CSMD3: variants seen among roughly 807,000 people sequenced by gnomAD.
CSMD3 encodes CUB and Sushi multiple domains 3, also known as CUB and sushi domain-containing protein 3.
A neutral mutation model predicts 435.2 loss-of-function variants in CSMD3; 177 were observed. The observed-to-expected ratio is 0.41, with a 90% CI of 0.36 to 0.46. The LOEUF is 0.46. CSMD3 is among the 20% of genes least tolerant of loss of function. The pLI, the probability that CSMD3 is intolerant of heterozygous loss-of-function variation, is 0.34. For missense variants in CSMD3, 4,265 were observed against 4,504.6 expected (o/e 0.95, Z 1.52); for synonymous variants, 1,656 against 1,520.5 (o/e 1.09, Z -2.07).
At chr8:112,801,826 G>C (rs2078968632) in intron 12 of CSMD3, among the ~76,000 whole-genome samples, 1 of 151,932 alleles carries the variant, frequency 6.6e-6, no homozygotes, top group South Asian at 2.1e-4. Context: ...TACATAGCAT[G>C]TACATCAGCT....
rs939479467 is a variant in CSMD3 at position 113,146,552 on chromosome 8, G to C, written c.709+27170C>G. ...CTAATTTGAATAATTCCTAAAATAA[G>C]GTACATTTTATTCAACATTTGGAAG... is the stretch of plus-strand genomic sequence containing the variant. On this transcript the variant is annotated intron_variant, in intron 4 of 70. Coordinates refer to ENST00000297405, the MANE Select transcript of CSMD3 (RefSeq NM_198123.2). Among the ~76,000 whole-genome samples, 4 of 151,306 alleles carry C rather than the reference G, an allele frequency of 2.6e-5. No homozygotes were observed. In the Admixed American group the frequency reaches 2.6e-4, roughly 10 times the overall value.
At chr8:113,228,982 T>G (rs540360882) in intron 3 of CSMD3, among the ~76,000 whole-genome samples, 61 of 151,728 alleles carry the variant, frequency 4.0e-4, no homozygotes, top group Non-Finnish European at 6.8e-4. Flanking sequence ...ATTCACCACG[T>G]TCAAGTTCTT....
intron 24 of CSMD3, among the ~76,000 whole-genome samples, chr8:112,559,631 G>T (rs999000508): frequency 6.6e-6 from 1 of 151,662 alleles, no homozygotes; most frequent in Non-Finnish European, 1.5e-5. Flanking sequence ...AGTTAATAAA[G>T]GTGAATGCTA....
chr8:113,013,914 G>A (rs1474839616), intron 6 of CSMD3, among the ~76,000 whole-genome samples: 1 of 152,128 alleles, frequency 6.6e-6, no homozygotes, highest in Non-Finnish European at 1.5e-5. Context: ...AGTCACATGT[G>A]TTTGTGTGAG....
At chr8:113,196,761 G>A (rs1280701017) in intron 3 of CSMD3, among the ~76,000 whole-genome samples, 3 of 151,122 alleles carry the variant, frequency 2.0e-5, no homozygotes, top group African/African-American at 4.8e-5. Context: ...TTATCATGGC[G>A]TTTTATTTCC....
intron 68 of CSMD3, among the ~76,000 whole-genome samples, chr8:112,233,465 T>C (rs1377718829): frequency 6.6e-6 from 1 of 152,150 alleles, no homozygotes; most frequent in Non-Finnish European, 1.5e-5. Flanking sequence ...ACAATCTGAG[T>C]GCATTGAAGA....
In CSMD3 at chr8:112,403,742, A is replaced by G. The variant is rs576800511; in HGVS notation, c.5809+2782T>C. On this transcript the variant is annotated intron_variant, in intron 35 of 70. Coordinates refer to ENST00000297405, the MANE Select transcript of CSMD3 (RefSeq NM_198123.2). ...CCCACATGGGGGATTAGGTTTCAAC[A>G]TAAGAATCTGTGTGTGTTGTTGGGG... Among the ~76,000 whole-genome samples, 20 of 152,166 alleles carry G rather than the reference A, an allele frequency of 1.3e-4. No homozygotes were observed. The East Asian group carries it at 3.5e-3, about 27-fold the overall frequency.
At chr8:112,368,568 C>A (rs1489688755) in intron 38 of CSMD3, among the ~76,000 whole-genome samples, 1 of 152,110 alleles carries the variant, frequency 6.6e-6, no homozygotes, top group Non-Finnish European at 1.5e-5. Context: ...CTAGATGTTA[C>A]ACAAATTTGC....
At chr8:113,069,457 A>G (rs758135762) in intron 5 of CSMD3, among the ~76,000 whole-genome samples, 2 of 152,142 alleles carry the variant, frequency 1.3e-5, no homozygotes, top group African/African-American at 2.4e-5. Context: ...AATTCCATGA[A>G]TGTAAACTTG....
intron 22 of CSMD3, among the ~76,000 whole-genome samples, chr8:112,596,073 A>G (rs932356135): frequency 2.0e-5 from 3 of 151,314 alleles, no homozygotes; most frequent in African/African-American, 7.3e-5. Context: ...AGACTGGCAA[A>G]TTGGATAAAG....
intron 12 of CSMD3, among the ~76,000 whole-genome samples, chr8:112,800,571 GA>G (rs2078937788): frequency 6.6e-6 from 1 of 151,978 alleles, no homozygotes; most frequent in Non-Finnish European, 1.5e-5. Flanking sequence ...GAACTGAAAA[GA>G]AAAGGAGGAT....
intron 12 of CSMD3, among the ~76,000 whole-genome samples, chr8:112,813,027 G>A (rs1005459963): frequency 6.6e-6 from 1 of 152,150 alleles, no homozygotes; most frequent in African/African-American, 2.4e-5. Context: ...AAAAAAACGA[G>A]TTCTTGTCAC....
At chr8:112,793,565 G>A (rs967338262) in intron 13 of CSMD3, among the ~76,000 whole-genome samples, 6 of 152,024 alleles carry the variant, frequency 3.9e-5, no homozygotes, top group African/African-American at 1.4e-4. Flanking sequence ...AGAATGATTC[G>A]CAAATCTGGA....
chr8:112,357,909 G>A (rs1209147749), intron 38 of CSMD3, among the ~76,000 whole-genome samples: 5 of 152,180 alleles, frequency 3.3e-5, no homozygotes, highest in African/African-American at 9.7e-5. Context: ...GCACTGCCTA[G>A]TGGAGCTATG....
intron 1 of CSMD3, among the ~76,000 whole-genome samples, chr8:113,325,947 CTAACA>C (rs985162711): frequency 1.5e-4 from 23 of 152,218 alleles, no homozygotes; most frequent in Admixed American, 7.9e-4. Flanking sequence ...ATATTTCTTC[CTAACA>C]TATTTCTCTA....
At chr8:113,203,371 GCTCACTGCAGC>G (rs1468958888) in intron 3 of CSMD3, among the ~76,000 whole-genome samples, 1 of 151,738 alleles carries the variant, frequency 6.6e-6, no homozygotes, top group Non-Finnish European at 1.5e-5. Context: ...TACAATCATG[GCTCACTGCAGC>G]CTCCACCATG....
chr8:113,323,728 C>T (rs540648034), intron 1 of CSMD3, among the ~76,000 whole-genome samples: 1 of 152,264 alleles, frequency 6.6e-6, no homozygotes, highest in East Asian at 1.9e-4. Context: ...GGGCTACTCA[C>T]ATTTTAGCAG....
At chr8:112,905,318 A>ATG (rs771835336) in intron 10 of CSMD3, among the ~76,000 whole-genome samples, 39,296 of 108,418 alleles carry the variant, frequency 0.36, 5,389 homozygotes, top group East Asian at 0.52. Flanking sequence ...ATATATATAT[A>ATG]TATACACACA....
chr8:113,205,184 T>C (rs987163099), intron 3 of CSMD3, among the ~76,000 whole-genome samples: 3 of 152,112 alleles, frequency 2.0e-5, no homozygotes, highest in African/African-American at 7.2e-5. Flanking sequence ...GGTTTCACCA[T>C]GTTGGCCAGG....
Sources: allele counts gnomAD v4.1 joint callset (sites outside exome capture counted in the v4.1 genomes callset), GRCh38; gene constraint gnomAD v4.1.1; transcripts MANE v1.5; gene names NCBI Gene and HGNC (gene_info 2026-07-23, HGNC 2026-07-21).